Variants in ZC3H7B observed in about 807,000 individuals in gnomAD.
ZC3H7B encodes zinc finger CCCH-type containing 7B, also known as zinc finger CCCH domain-containing protein 7B.
ZC3H7B carries 35 observed loss-of-function variants against 116.0 expected under a neutral mutation model. That is an observed-to-expected ratio of 0.30 (90% CI 0.23 to 0.40). The LOEUF (loss-of-function observed/expected upper bound fraction) is 0.40, where lower values mean the gene tolerates loss of function less well. ZC3H7B is among the 10% of genes least tolerant of loss of function. The pLI is 1.00. For synonymous variants in ZC3H7B, 502 were observed against 545.6 expected (o/e 0.92, Z 1.11); for missense variants, 1,011 against 1,321.5 (o/e 0.77, Z 3.64).
intron 1 of ZC3H7B, among the ~76,000 whole-genome samples, chr22:41,318,546 A>AAG (rs1569232342): frequency 6.6e-6 from 1 of 150,728 alleles, no homozygotes; most frequent in Non-Finnish European, 1.5e-5. Context: ...AAAAAAAAAA[A>AAG]AGACCAGCCT....
chr22:41,326,631 C>T (rs1245916168), intron 4 of ZC3H7B, among the ~76,000 whole-genome samples: 1 of 152,180 alleles, frequency 6.6e-6, no homozygotes, highest in Non-Finnish European at 1.5e-5. Flanking sequence ...CTCCTCCTCT[C>T]CTCCTTAGAG....
intron 1 of ZC3H7B, among the ~76,000 whole-genome samples, chr22:41,307,263 G>A (rs9611547): frequency 1.3e-5 from 2 of 152,218 alleles, no homozygotes; most frequent in South Asian, 2.1e-4. Flanking sequence ...GCATGAGCCC[G>A]TGCTGGGCCT....
chr22:41,302,855 GC>G lies in ZC3H7B; in HGVS notation c.-7+1084del, dbSNP rs2035990145. Among the ~76,000 whole-genome samples, 1 of 151,876 alleles carries G rather than the reference GC, an allele frequency of 6.6e-6. No homozygotes were observed. Among genetic ancestry groups the G allele is most frequent in the African/African-American group, 2.4e-5 (1 of 41,316 alleles). On this transcript the variant is annotated intron_variant, in intron 1 of 22. Transcript: ENST00000352645. This position sits in a 1 kb window ranked among gnomAD's most constrained non-coding sequence, Gnocchi z 5.7. ...GGGAGTCTGGGGGCTCTAAAAGGGG[GC>G]TGGGCCTGAGTGGGGAGCTGGTGAT...
intron 15 of ZC3H7B, among the ~76,000 whole-genome samples, chr22:41,348,785 CCAGAGGA>C (rs1409925728): frequency 3.3e-5 from 5 of 152,290 alleles, no homozygotes; most frequent in African/African-American, 1.2e-4. Context: ...GACTCCTGGC[CCAGAGGA>C]CATGCTTGGT....
intron 1 of ZC3H7B, among the ~76,000 whole-genome samples, chr22:41,316,881 C>T (rs761340443): frequency 4.6e-5 from 7 of 151,034 alleles, no homozygotes; most frequent in African/African-American, 9.7e-5. Context: ...CTTGCTCTGT[C>T]GCCCAGGCTG....
In ZC3H7B at chr22:41,306,373, CTT is replaced by C. The variant is rs150362292; in HGVS notation, c.-7+4617_-7+4618del. Among the ~76,000 whole-genome samples the C allele has an allele frequency of 2.4e-4, 32 of 136,108 alleles. 1 individual carries two copies. The South Asian group carries it at 4.3e-3, about 18-fold the overall frequency. 89.3% of individuals were successfully genotyped at this position (136,108 alleles called of 152,430 possible). A position where few individuals can be genotyped will look rare whatever the true frequency, so the allele number is the denominator to read the frequency against. ...TTTTCCTAAATTAGCTTATTTAATT[CTT>C]TTTTTTTTTTTTTTTGAGACGGAGT... On this transcript the variant is annotated intron_variant, in intron 1 of 22. Transcript: ENST00000352645.
intron 2 of ZC3H7B, among the ~76,000 whole-genome samples, chr22:41,321,834 T>A: frequency 1.5e-5 from 1 of 64,768 alleles, no homozygotes; most frequent in African/African-American, 4.9e-5. Context: ...ACATTCTTTT[T>A]TTTTTTTTTT....
chr22:41,312,848 TTGAAG>T (rs2036135252), intron 1 of ZC3H7B, among the ~76,000 whole-genome samples: 1 of 152,044 alleles, frequency 6.6e-6, no homozygotes, highest in Non-Finnish European at 1.5e-5. Context: ...GAGGTCGAGT[TTGAAG>T]TGACCTCCAG....
chr22:41,357,504 A>C lies in ZC3H7B; in HGVS notation c.*75A>C. ...GGCCAGAAGGCCTGATAGAAGGGTC[A>C]GGGCAGGCCAGGGGGGTGGGGGGCC... On this transcript the variant is annotated 3_prime_UTR_variant, in exon 23 of 23. Coordinates refer to ENST00000352645, the MANE Select transcript of ZC3H7B (RefSeq NM_017590.6). The surrounding 1 kb of genome is among the most constrained non-coding windows in gnomAD (Gnocchi z 5.4). 1.6e-5 allele frequency: 9 copies of C among 580,296 alleles called. No individual in the cohort carries two copies. The highest frequency in any genetic ancestry group is 2.3e-5 in the Non-Finnish European group (8 of 354,222). 35.9% of individuals were successfully genotyped at this position (580,296 alleles called of 1,614,324 possible).
At chr22:41,326,978 C>T (rs1486394813) in intron 4 of ZC3H7B, among the ~76,000 whole-genome samples, 2 of 152,202 alleles carry the variant, frequency 1.3e-5, no homozygotes, top group Admixed American at 6.5e-5. Flanking sequence ...CCTGCCCGTG[C>T]CCACTGCAGC....
chr22:41,340,338 T>C (rs1601786380), intron 10 of ZC3H7B, among the ~76,000 whole-genome samples: 1 of 151,808 alleles, frequency 6.6e-6, no homozygotes, highest in Non-Finnish European at 1.5e-5. Context: ...GGGTGTCTTG[T>C]TCAAGATCAA....
At position 41,351,619 on chromosome 22, in the gene ZC3H7B, G is replaced by C; in HGVS notation, c.2007G>C (p.Ala669=). 1 of 1,613,866 alleles carries C rather than the reference G, an allele frequency of 6.2e-7. No individual in the cohort carries two copies. Among genetic ancestry groups the C allele is most frequent in the Non-Finnish European group, 8.5e-7 (1 of 1,179,914 alleles). Residue 669 remains alanine, a synonymous_variant, in exon 17 of 23, where the codon GCG becomes GCC. Transcript: ENST00000352645. This position sits in a 1 kb window ranked among gnomAD's most constrained non-coding sequence, Gnocchi z 5.1. ...AGAAGTACTGGCAGCAGATGGAGGCGCATGCGGGGAAGGCCAGCAGCAGCA... is the reference window on the plus strand; with the variant it reads ...AGAAGTACTGGCAGCAGATGGAGGCCCATGCGGGGAAGGCCAGCAGCAGCA... The part of the protein sequence containing the change: ...ESKKYWQQME[A]HAGKASSSMG...
intron 1 of ZC3H7B, among the ~76,000 whole-genome samples, chr22:41,317,200 G>A (rs1388272635): frequency 1.3e-5 from 2 of 151,508 alleles, no homozygotes; most frequent in African/African-American, 2.4e-5. Context: ...GGCTGGTCTC[G>A]AACTCCTGAC....
At chr22:41,318,296 G>C (rs531813471) in intron 1 of ZC3H7B, among the ~76,000 whole-genome samples, 1 of 152,142 alleles carries the variant, frequency 6.6e-6, no homozygotes, top group African/African-American at 2.4e-5. Context: ...TTGGGAGGCC[G>C]AGGCGGGCAG....
At chr22:41,343,705 C>A in intron 13 of ZC3H7B, 129 bp downstream of exon 13, 3 of 1,311,194 alleles carry the variant, frequency 2.3e-6, no homozygotes, top group Non-Finnish European at 3.0e-6. Flanking sequence ...GAGGAGAAAG[C>A]CACGGCCTAG....
chr22:41,359,199 T>C lies in ZC3H7B; in HGVS notation c.*1770T>C, dbSNP rs1464287086. The C allele has an allele frequency of 6.5e-6, 1 of 152,892 alleles. No individual in the cohort carries two copies. Among genetic ancestry groups the C allele is most frequent in the East Asian group, 1.9e-4 (1 of 5,202 alleles). The allele number at this position is 152,892 out of a possible 1,614,324, so 9.5% of individuals were successfully genotyped here. Reference sequence around the variant, plus strand: ...CCATGTGTGGCCGTGATGTCGATGATACTCGTTTTCCCTGATCCGTGGTGT... The same window carrying C: ...CCATGTGTGGCCGTGATGTCGATGACACTCGTTTTCCCTGATCCGTGGTGT... On this transcript the variant is annotated 3_prime_UTR_variant, in exon 23 of 23. Transcript: ENST00000352645.
Position 41,340,126 on chromosome 22 carries a change from A to G in ZC3H7B, c.1127A>G (p.Asp376Gly). Residue 376 changes from aspartate to glycine, a missense_variant, in exon 10 of 23, where the codon GAC (aspartate) becomes GGC (glycine). By Grantham distance (94) the Asp-to-Gly change is moderately conservative. Around this residue, in one of 5 missense-constraint regions of ZC3H7B, gnomAD observed 99 missense variants for 89.5 expected, o/e 1.11. Coordinates refer to ENST00000352645, the MANE Select transcript of ZC3H7B (RefSeq NM_017590.6). ...ACACGAGGCTCCCTGGACAAACCTG[A>G]CTCCTTCATGGGTAAGGCCATGGGT... ...GSTRGSLDKP[D>G]SFMEETNSQD... The G allele has an allele frequency of 6.2e-7, 1 of 1,602,714 alleles. No individual in the cohort carries two copies. Among genetic ancestry groups the G allele is most frequent in the Non-Finnish European group, 8.5e-7 (1 of 1,174,228 alleles).
Position 41,348,919 on chromosome 22 carries a change from G to C in ZC3H7B, c.1767-201G>C, listed in dbSNP as rs149770304. Among the ~76,000 whole-genome samples, 530 of 152,302 alleles carry C rather than the reference G, an allele frequency of 3.5e-3. 3 individuals are homozygous for C. The highest frequency in any genetic ancestry group is 0.012 in the African/African-American group (512 of 41,570). ...ACCCTGGGGGAGGGACAGGAGTAAA[G>C]CAGCGCTGGGACCCAGGCCCAGGGG... is the stretch of plus-strand genomic sequence containing the variant. On this transcript the variant is annotated intron_variant, in intron 15 of 22. Transcript: ENST00000352645.
rs2036737463 is a variant in ZC3H7B, at chr22:41,357,487, G to T, written c.*58G>T. On this transcript the variant is annotated 3_prime_UTR_variant, in exon 23 of 23. Transcript: ENST00000352645. This position sits in a 1 kb window ranked among gnomAD's most constrained non-coding sequence, Gnocchi z 5.4. ...GTCAGGGGGTGGGGTGGGGCCAGAA[G>T]GCCTGATAGAAGGGTCAGGGCAGGC... 6.4e-7 allele frequency: 1 copy of T among 1,570,264 alleles called. No individual in the cohort carries two copies. The highest frequency in any genetic ancestry group is 1.3e-5 in the African/African-American group (1 of 74,242).
Sources: allele counts gnomAD v4.1 joint callset (sites outside exome capture counted in the v4.1 genomes callset), GRCh38; gene constraint gnomAD v4.1.1; regional missense constraint gnomAD v4.1.1; non-coding constraint Gnocchi (gnomAD v3.1); transcripts MANE v1.5; gene names NCBI Gene and HGNC (gene_info 2026-07-23, HGNC 2026-07-21).